The following GLG1 variants were observed in gnomAD, a reference collection of about 807,000 sequenced individuals.
GLG1 encodes golgi glycoprotein 1.
A neutral mutation model predicts 160.5 loss-of-function variants in GLG1; 38 were observed. That is an observed-to-expected ratio of 0.24 (90% CI 0.18 to 0.31). The LOEUF is 0.31. Among genes scored for constraint, GLG1 ranks in the 10% least tolerant of loss-of-function variants. The probability of loss-of-function intolerance (pLI) is 1.00; values close to 1 mark genes in which losing one functional copy is unlikely to be tolerated. For synonymous variants in GLG1, 644 were observed against 543.4 expected, an observed-to-expected ratio of 1.19 and a Z score of -2.57; for missense variants, 1,373 against 1,505.2, an observed-to-expected ratio of 0.91 and a Z score of 1.45.
At chr16:74,572,052 G>A (rs940904046) in intron 1 of GLG1, among the ~76,000 whole-genome samples, 4 of 151,950 alleles carry the variant, frequency 2.6e-5, no homozygotes, top group South Asian at 4.1e-4. Flanking sequence ...TGGTGGTGGC[G>A]CTTAAAAAGC....
intron 1 of GLG1, among the ~76,000 whole-genome samples, chr16:74,563,780 T>C (rs1287470071): frequency 6.6e-6 from 1 of 151,388 alleles, no homozygotes; most frequent in African/African-American, 2.4e-5. Context: ...TTCCTCATGA[T>C]ATGCTCCATA....
At chr16:74,512,186 T>A (rs2016831735) in intron 2 of GLG1, among the ~76,000 whole-genome samples, 1 of 140,880 alleles carries the variant, frequency 7.1e-6, no homozygotes, top group Admixed American at 7.7e-5. Context: ...TCAGACGGAG[T>A]CTTGCTCTGT....
At chr16:74,492,750 C>A (rs1020809713) in intron 7 of GLG1, among the ~76,000 whole-genome samples, 1 of 149,600 alleles carries the variant, frequency 6.7e-6, no homozygotes, top group African/African-American at 2.5e-5. Context: ...ACACGGAAGG[C>A]GGAGCTTGCA....
intron 20 of GLG1, 171 bp downstream of exon 20, chr16:74,463,181 TCTCC>T: frequency 1.6e-6 from 1 of 616,112 alleles, no homozygotes; most frequent in East Asian, 2.8e-5. Flanking sequence ...CTCCCCTGAC[TCTCC>T]CTCCATTTTT....
intron 13 of GLG1, among the ~76,000 whole-genome samples, chr16:74,473,491 G>A (rs552656053): frequency 6.9e-6 from 1 of 145,904 alleles, no homozygotes; most frequent in South Asian, 2.2e-4. Context: ...TCGGGCTGGA[G>A]TGCAGTGGCG....
intron 4 of GLG1, among the ~76,000 whole-genome samples, chr16:74,497,314 AC>A (rs758368091): frequency 0.14 from 19,750 of 144,348 alleles, 1,724 homozygotes; most frequent in Admixed American, 0.25. Context: ...ACACACACAC[AC>A]AAAAAACCAC....
chr16:74,502,550 T>G (rs550649632), intron 4 of GLG1, among the ~76,000 whole-genome samples: 40 of 151,938 alleles, frequency 2.6e-4, no homozygotes, highest in South Asian at 6.3e-4. Context: ...AATTTTTTTT[T>G]TTGTTTTTTT....
At position 74,560,199 on chromosome 16, in the gene GLG1, G is replaced by A. The variant is rs900537223; in HGVS notation, c.439-28046C>T. Among the ~76,000 whole-genome samples, 5 of 152,150 alleles carry A rather than the reference G, an allele frequency of 3.3e-5. No homozygotes were observed. The South Asian group carries it at 6.2e-4, about 19-fold the overall frequency. On this transcript the variant is annotated intron_variant, in intron 1 of 25. Transcript: ENST00000422840. ...AAAGCAGACTGTCCTTCCCAATGTG[G>A]GTGGGTCCCATTCCATCAGTTGAAG... is the stretch of plus-strand genomic sequence containing the variant.
chr16:74,596,712 G>A lies in GLG1; in HGVS notation c.438+9945C>T, dbSNP rs139182579. On this transcript the variant is annotated intron_variant, in intron 1 of 25. Coordinates refer to ENST00000422840, the MANE Select transcript of GLG1 (RefSeq NM_001145667.2). Reference sequence around the variant, plus strand: ...TAGGTTACTTATGCTTTAGGGACAGGGGGGAAAATGAGCTATCACACAGCT... The same window carrying A: ...TAGGTTACTTATGCTTTAGGGACAGAGGGGAAAATGAGCTATCACACAGCT... Among the ~76,000 whole-genome samples the A allele has an allele frequency of 6.6e-3, 1,009 of 152,280 alleles. 3 individuals carry two copies. The highest frequency in any genetic ancestry group is 0.01 in the Non-Finnish European group (710 of 68,026).
In GLG1 at chr16:74,540,097, ATATATT is replaced by A. The variant is rs2017814787; in HGVS notation, c.439-7950_439-7945del. Among the ~76,000 whole-genome samples the A allele has an allele frequency of 1.8e-3, 3 of 1,670 alleles. 1 individual carries two copies. Among genetic ancestry groups the A allele is most frequent in the African/African-American group, 2.4e-3 (3 of 1,276 alleles). 1.1% of individuals were successfully genotyped at this position (1,670 alleles called of 152,430 possible). On this transcript the variant is annotated intron_variant, in intron 1 of 25. Transcript: ENST00000422840. The stretch of plus-strand genomic sequence containing the variant: ...TATATATATTTTATATATATATTAT[ATATATT>A]TTATATATATATATTATATATATTT...
In GLG1 at chr16:74,607,006, A is replaced by G; in HGVS notation, c.89T>C (p.Leu30Pro). ...CTGGCTGTGGACGCCCTGGCCGGGGAGTTTCTCGGCCCCGGCCGCGAATAG... is the reference window on the plus strand; with the variant it reads ...CTGGCTGTGGACGCCCTGGCCGGGGGGTTTCTCGGCCCCGGCCGCGAATAG... Reference protein sequence around the residue: ...LLLFAAGAEKLPGQGVHSQGQ... With the variant: ...LLLFAAGAEKPPGQGVHSQGQ... The change falls in exon 1 of 26, where the codon CTC (leucine) becomes CCC (proline). Residue 30 changes from leucine (L) to proline (P), a missense_variant. By Grantham distance (98) the Leu-to-Pro change is moderately conservative. Coordinates refer to ENST00000422840, the MANE Select transcript of GLG1 (RefSeq NM_001145667.2). 1 of 1,603,846 alleles carries G rather than the reference A, an allele frequency of 6.2e-7. No homozygotes were observed. Among genetic ancestry groups the G allele is most frequent in the Non-Finnish European group, 8.5e-7 (1 of 1,177,346 alleles).
intron 8 of GLG1, 32 bp downstream of exon 8, chr16:74,490,967 GAC>G: frequency 6.9e-7 from 1 of 1,450,984 alleles, no homozygotes; most frequent in Non-Finnish European, 9.7e-7. Flanking sequence ...TGATAAATGT[GAC>G]ATTCAAAATG....
chr16:74,576,275 A>AC (rs975092971), intron 1 of GLG1, among the ~76,000 whole-genome samples: 3 of 152,186 alleles, frequency 2.0e-5, no homozygotes, highest in African/African-American at 7.2e-5. Context: ...AAAACTCCAC[A>AC]CCAACTATTA....
At chr16:74,468,637 GATTACCTGCATGAGCCAC>G (rs1274840955) in intron 17 of GLG1, 3 of 291,792 alleles carry the variant, frequency 1.0e-5, no homozygotes, top group Non-Finnish European at 2.0e-5. Context: ...AAAGTGCTGG[GATTACCTGCATGAGCCAC>G]AGCACCCAGC....
In GLG1 at chr16:74,447,814, G is replaced by C. The variant is rs2014127792; in HGVS notation, c.*5353C>G. ...GCCCAGTGCACTGCAGGGGGACCTG[G>C]AGGGCCCATTTCTACCACCCTAGCA... On this transcript the variant is annotated 3_prime_UTR_variant, in exon 26 of 26. Transcript: ENST00000422840. The C allele has an allele frequency of 6.6e-6, 1 of 152,296 alleles. No homozygotes were observed. 9.4% of individuals were successfully genotyped at this position (152,296 alleles called of 1,614,324 possible). A position where few individuals can be genotyped will look rare whatever the true frequency, so the allele number is the denominator to read the frequency against.
rs554074479 is a variant in GLG1, at chr16:74,481,103, C to G, written c.1674-709G>C. Among the ~76,000 whole-genome samples, 178 of 152,206 alleles carry G rather than the reference C, an allele frequency of 1.2e-3. 2 individuals are homozygous for G. Among genetic ancestry groups the G allele is most frequent in the Non-Finnish European group, 3.8e-4 (26 of 68,014 alleles). On this transcript the variant is annotated intron_variant, in intron 10 of 25. Transcript: ENST00000422840. Reference sequence around the variant, plus strand: ...TTACTTAATACTTTTTACTAAATACCTTTTTCTAAGTAGGAATGAAGTTCA... The same window carrying G: ...TTACTTAATACTTTTTACTAAATACGTTTTTCTAAGTAGGAATGAAGTTCA...
intron 1 of GLG1, among the ~76,000 whole-genome samples, chr16:74,562,861 C>G (rs903791262): frequency 6.6e-6 from 1 of 152,142 alleles, no homozygotes; most frequent in African/African-American, 2.4e-5. Context: ...CTGGAAATGA[C>G]GTCAGGAAAA....
rs757438234 is a variant in GLG1, at chr16:74,607,089, C to A, written c.6G>T (p.Ala2=). M[A]ACGRVRRMFR... ...ACATCCTCCGTACACGTCCACACGCCGCCATCTTGAGTCCGCGGCGAGCTC... is the reference window on the plus strand; with the variant it reads ...ACATCCTCCGTACACGTCCACACGCAGCCATCTTGAGTCCGCGGCGAGCTC... The change falls in exon 1 of 26, where the codon GCG becomes GCT. Residue 2 remains alanine (A), a synonymous_variant. Transcript: ENST00000422840. 5 of 1,541,076 alleles carry A rather than the reference C, an allele frequency of 3.2e-6. No individual in the cohort carries two copies. Among genetic ancestry groups the A allele is most frequent in the African/African-American group, 1.4e-5 (1 of 72,916 alleles).
chr16:74,597,610 T>A (rs1316049032), intron 1 of GLG1, among the ~76,000 whole-genome samples: 1 of 151,804 alleles, frequency 6.6e-6, no homozygotes, highest in Non-Finnish European at 1.5e-5. Flanking sequence ...TCCCAACACT[T>A]TGGGAGGCCG....
Sources: allele counts gnomAD v4.1 joint callset (sites outside exome capture counted in the v4.1 genomes callset), GRCh38; gene constraint gnomAD v4.1.1; transcripts MANE v1.5; gene names NCBI Gene and HGNC (gene_info 2026-07-23, HGNC 2026-07-21).